DIP2B: variants seen among roughly 807,000 people sequenced by gnomAD.
DIP2B encodes the protein disco-interacting protein 2 homolog B.
A neutral mutation model predicts 198.0 loss-of-function variants in DIP2B; 76 were observed. The ratio of observed to expected loss-of-function variants is 0.38; its 90% CI spans 0.32 to 0.46. DIP2B has a LOEUF of 0.46. Ranked by LOEUF, DIP2B falls within the 20% of genes least tolerant of loss-of-function variation. The pLI, the probability that DIP2B is intolerant of heterozygous loss-of-function variation, is 0.99. For synonymous variants in DIP2B, 701 were observed against 739.1 expected (o/e 0.95, Z 0.84); for missense variants, 1,559 against 1,978.4 (o/e 0.79, Z 4.02).
At chr12:50,606,379 C>A (rs935596898) in intron 1 of DIP2B, among the ~76,000 whole-genome samples, 3 of 152,168 alleles carry the variant, frequency 2.0e-5, no homozygotes, top group African/African-American at 7.2e-5. Context: ...ACCTTGACTT[C>A]CCAAAGTGCT....
intron 2 of DIP2B, among the ~76,000 whole-genome samples, chr12:50,639,644 T>C (rs930429867): frequency 6.6e-6 from 1 of 151,910 alleles, no homozygotes; most frequent in Non-Finnish European, 1.5e-5. Flanking sequence ...TCAGCTGGGA[T>C]CTGGAGCAGT....
At chr12:50,518,894 C>T (rs541738740) in intron 1 of DIP2B, among the ~76,000 whole-genome samples, 1 of 152,292 alleles carries the variant, frequency 6.6e-6, no homozygotes, top group African/African-American at 2.4e-5. Context: ...GTCCATGTCA[C>T]CATGCCTGGC....
At chr12:50,643,982 A>T (rs1405888346) in intron 3 of DIP2B, among the ~76,000 whole-genome samples, 1 of 152,244 alleles carries the variant, frequency 6.6e-6, no homozygotes, top group Non-Finnish European at 1.5e-5. Flanking sequence ...TGTAAGAAGG[A>T]TTTTATATTA....
chr12:50,594,346 G>T (rs975047186), intron 1 of DIP2B, among the ~76,000 whole-genome samples: 2 of 152,120 alleles, frequency 1.3e-5, no homozygotes, highest in Admixed American at 6.5e-5. Context: ...GTTTGAATAT[G>T]AACCATGACA....
At chr12:50,523,038 A>G (rs1163783100) in intron 1 of DIP2B, among the ~76,000 whole-genome samples, 1 of 152,212 alleles carries the variant, frequency 6.6e-6, no homozygotes, top group Non-Finnish European at 1.5e-5. Context: ...AAATATTGTA[A>G]GAAAGACATA....
At chr12:50,629,400 C>T (rs1055496534) in intron 2 of DIP2B, among the ~76,000 whole-genome samples, 1 of 152,166 alleles carries the variant, frequency 6.6e-6, no homozygotes, top group Non-Finnish European at 1.5e-5. Flanking sequence ...TTCAGAGTTT[C>T]TGATTCATCT....
chr12:50,662,402 T>C (rs546658246), intron 4 of DIP2B, among the ~76,000 whole-genome samples: 1 of 152,238 alleles, frequency 6.6e-6, no homozygotes, highest in Non-Finnish European at 1.5e-5. Context: ...ATCTTGATGC[T>C]GTCATGCAAC....
At position 50,678,767 on chromosome 12, in the gene DIP2B, G is replaced by T; in HGVS notation, c.1005G>T (p.Trp335Cys). The change falls in exon 8 of 38, where the codon TGG becomes TGT. Residue 335 changes from tryptophan (W) to cysteine (C), a missense_variant. Coordinates refer to ENST00000301180, the MANE Select transcript of DIP2B (RefSeq NM_173602.3). The part of the protein sequence containing the change: ...KGEPLGVICN[W>C]PPALESALQR... ...AGCCTTTAGGAGTCATCTGTAACTGGCCTCCTGCTCTTGAATCTGCCCTGC... is the reference window on the plus strand; with the variant it reads ...AGCCTTTAGGAGTCATCTGTAACTGTCCTCCTGCTCTTGAATCTGCCCTGC... 6.2e-7 allele frequency: 1 copy of T among 1,614,182 alleles called. No individual in the cohort carries two copies.
At chr12:50,552,068 A>G (rs1289539837) in intron 1 of DIP2B, among the ~76,000 whole-genome samples, 1 of 152,096 alleles carries the variant, frequency 6.6e-6, no homozygotes, top group Admixed American at 6.6e-5. Flanking sequence ...AACACTTGTT[A>G]TTACTTGTTG....
At chr12:50,624,750 G>A (rs759729480) in intron 1 of DIP2B, among the ~76,000 whole-genome samples, 1 of 152,170 alleles carries the variant, frequency 6.6e-6, no homozygotes. Context: ...GATCTCTGTA[G>A]TAGCACTGGA....
intron 1 of DIP2B, among the ~76,000 whole-genome samples, chr12:50,559,995 A>G (rs893226865): frequency 6.6e-6 from 1 of 152,078 alleles, no homozygotes; most frequent in Non-Finnish European, 1.5e-5. Context: ...GATCTTTCTC[A>G]GCCAGGCATG....
intron 1 of DIP2B, among the ~76,000 whole-genome samples, chr12:50,591,864 T>C (rs1958821779): frequency 6.6e-6 from 1 of 151,396 alleles, no homozygotes; most frequent in African/African-American, 2.4e-5. Context: ...TTAACTTTTA[T>C]TTCTTTATTT....
chr12:50,725,036 A>T (rs1939906529), intron 28 of DIP2B, 150 bp downstream of exon 28: 3 of 718,664 alleles, frequency 4.2e-6, no homozygotes, highest in Non-Finnish European at 7.2e-6. Flanking sequence ...AAGCTTGTGC[A>T]GGACTAGACA....
At chr12:50,614,459 G>T (rs990398257) in intron 1 of DIP2B, among the ~76,000 whole-genome samples, 11 of 152,162 alleles carry the variant, frequency 7.2e-5, no homozygotes, top group African/African-American at 2.4e-4. Flanking sequence ...TCCTACGCTT[G>T]ATGGTTCTAA....
intron 1 of DIP2B, among the ~76,000 whole-genome samples, chr12:50,590,684 T>G (rs1175668832): frequency 2.0e-5 from 3 of 152,212 alleles, no homozygotes; most frequent in Non-Finnish European, 4.4e-5. Context: ...GTTGTTTTAA[T>G]TGTCACAGCA....
At chr12:50,600,917 A>T (rs1205894495) in intron 1 of DIP2B, among the ~76,000 whole-genome samples, 4 of 130,062 alleles carry the variant, frequency 3.1e-5, no homozygotes, top group South Asian at 2.6e-4. Context: ...CACCACCACC[A>T]CCACCACCAC....
intron 1 of DIP2B, among the ~76,000 whole-genome samples, chr12:50,563,486 C>A (rs891340421): frequency 2.6e-5 from 3 of 115,542 alleles, no homozygotes; most frequent in African/African-American, 1.0e-4. Context: ...TGCACCTGGC[C>A]TTTTTTTTTT....
intron 1 of DIP2B, among the ~76,000 whole-genome samples, chr12:50,587,188 A>G (rs185382375): frequency 1.8e-4 from 28 of 152,306 alleles, no homozygotes; most frequent in African/African-American, 6.5e-4. Context: ...GGCAAGCAGG[A>G]TCTTTCTTCA....
rs758435927 is a variant in DIP2B, at chr12:50,505,191, G to T, written c.51G>T (p.Pro17=). 2.6e-6 allele frequency: 4 copies of T among 1,524,568 alleles called. No individual in the cohort carries two copies. In the South Asian group the frequency reaches 3.6e-5, roughly 14 times the overall value. 94.4% of individuals were successfully genotyped at this position (1,524,568 alleles called of 1,614,324 possible). ...CGCCGGCCGCGGTGGCGGCGCTGCC[G>T]CCTGAAGTGCGGGCGCAGCTGGCGG... The part of the protein sequence containing the change: ...EPSPAAVAAL[P]PEVRAQLAEL... Residue 17 remains proline (P), a synonymous_variant, in exon 1 of 38, where the codon CCG becomes CCT. Coordinates refer to ENST00000301180, the MANE Select transcript of DIP2B (RefSeq NM_173602.3).
Sources: allele counts gnomAD v4.1 joint callset (sites outside exome capture counted in the v4.1 genomes callset), GRCh38; gene constraint gnomAD v4.1.1; transcripts MANE v1.5; gene names NCBI Gene and HGNC (gene_info 2026-07-23, HGNC 2026-07-21).